TTBK2: variants seen among roughly 807,000 people sequenced by gnomAD.
The protein encoded by TTBK2 is tau tubulin kinase 2.
Under a neutral mutation model 110.8 loss-of-function variants are expected in TTBK2, and 28 were observed. That is an observed-to-expected ratio of 0.25 (90% CI 0.19 to 0.35). The LOEUF is 0.35. Among genes scored for constraint, TTBK2 ranks in the 10% least tolerant of loss-of-function variants. The pLI, the probability that TTBK2 is intolerant of heterozygous loss-of-function variation, is 1.00. For synonymous variants in TTBK2, 532 were observed against 527.3 expected (o/e 1.01, Z -0.12); for missense variants, 1,369 against 1,500.3 (o/e 0.91, Z 1.45).
Position 42,752,077 on chromosome 15 carries a change from C to T in TTBK2, c.3169G>A (p.Val1057Ile), listed in dbSNP as rs749779791. ...QSRKSKIPRPVSWVNTDQVNS... is the reference protein window; with the variant it reads ...QSRKSKIPRPISWVNTDQVNS... ...ACCTGATCTGTGTTGACCCATGAAA[C>T]TGGCCTTGGAATTTTGCTCTTTCTA... is the stretch of plus-strand genomic sequence containing the variant. Residue 1057 changes from valine to isoleucine, a missense_variant, in exon 14 of 15, where the codon GTT becomes ATT. Val to Ile is a conservative substitution (Grantham distance 29). Transcript: ENST00000267890. 5 of 1,614,192 alleles carry T rather than the reference C, an allele frequency of 3.1e-6. No individual in the cohort carries two copies. The highest frequency in any genetic ancestry group is 4.2e-6 in the Non-Finnish European group (5 of 1,180,036).
At chr15:42,847,339 G>C (rs1340354509) in intron 3 of TTBK2, among the ~76,000 whole-genome samples, 1 of 152,124 alleles carries the variant, frequency 6.6e-6, no homozygotes, top group African/African-American at 2.4e-5. Context: ...GTCCTTTGCA[G>C]GTGATTTGCA....
intron 3 of TTBK2, among the ~76,000 whole-genome samples, chr15:42,857,692 C>T (rs2141070085): frequency 6.6e-6 from 1 of 152,234 alleles, no homozygotes; most frequent in Admixed American, 6.5e-5. Flanking sequence ...TAATGCTTAA[C>T]ACAGCTACTT....
At chr15:42,760,086 G>C (rs1199171812) in intron 13 of TTBK2, among the ~76,000 whole-genome samples, 1 of 152,122 alleles carries the variant, frequency 6.6e-6, no homozygotes, top group Non-Finnish European at 1.5e-5. Context: ...AGGAATCTTA[G>C]CACTAAAGAA....
intron 1 of TTBK2, among the ~76,000 whole-genome samples, chr15:42,884,853 AAGTGAAAAT>A (rs1438666443): frequency 6.6e-6 from 1 of 152,228 alleles, no homozygotes; most frequent in Non-Finnish European, 1.5e-5. Flanking sequence ...TCCACAAAAG[AAGTGAAAAT>A]AGCCTTAGCT....
At chr15:42,765,931 C>A (rs1447910295) in intron 13 of TTBK2, among the ~76,000 whole-genome samples, 1 of 152,156 alleles carries the variant, frequency 6.6e-6, no homozygotes, top group Admixed American at 6.6e-5. Context: ...TTGGCAGAAA[C>A]CCTACAAGCC....
chr15:42,812,487 A>G (rs552794236), intron 7 of TTBK2, among the ~76,000 whole-genome samples: 3 of 152,328 alleles, frequency 2.0e-5, no homozygotes, highest in African/African-American at 7.2e-5. Context: ...CTTCTGGGTG[A>G]TCATGCCCTG....
At chr15:42,763,734 C>T (rs1461572277) in intron 13 of TTBK2, among the ~76,000 whole-genome samples, 1 of 151,854 alleles carries the variant, frequency 6.6e-6, no homozygotes, top group East Asian at 1.9e-4. Context: ...TCCACTTTGG[C>T]CAATGTGGAT....
chr15:42,814,955 C>T (rs1238773308), intron 7 of TTBK2, among the ~76,000 whole-genome samples: 1 of 152,092 alleles, frequency 6.6e-6, no homozygotes, highest in African/African-American at 2.4e-5. Context: ...AAGAAATTGC[C>T]ACTGTCTAAA....
At chr15:42,826,243 A>G (rs1391197358) in intron 6 of TTBK2, among the ~76,000 whole-genome samples, 1 of 151,988 alleles carries the variant, frequency 6.6e-6, no homozygotes, top group Non-Finnish European at 1.5e-5. Flanking sequence ...ATTAACTTTT[A>G]TTTTTATATT....
chr15:42,910,034 G>A (rs2092863474), intron 1 of TTBK2, among the ~76,000 whole-genome samples: 1 of 152,150 alleles, frequency 6.6e-6, no homozygotes, highest in Admixed American at 6.5e-5. Flanking sequence ...GTGAGATCAG[G>A]AATGGGATTC....
intron 4 of TTBK2, among the ~76,000 whole-genome samples, chr15:42,834,105 T>A (rs1027635845): frequency 4.2e-5 from 6 of 143,968 alleles, no homozygotes; most frequent in Non-Finnish European, 8.9e-5. Flanking sequence ...GGTAAGAGGA[T>A]CACTTGACCC....
At position 42,784,018 on chromosome 15, in the gene TTBK2, C is replaced by T. The variant is rs144283467; in HGVS notation, c.981-383G>A. ...CGGAGGTTACAGTGAGCCAAGATTG[C>T]GCCACTGCACTCCAGCCTGGGTGAC... On this transcript the variant is annotated intron_variant, in intron 10 of 14. Transcript: ENST00000267890. Among the ~76,000 whole-genome samples the T allele has an allele frequency of 4.6e-5, 7 of 151,460 alleles. No individual in the cohort carries two copies. In the East Asian group the frequency reaches 5.9e-4, roughly 13 times the overall value.
At chr15:42,753,904 A>G (rs2061904480) in intron 13 of TTBK2, among the ~76,000 whole-genome samples, 1 of 152,200 alleles carries the variant, frequency 6.6e-6, no homozygotes, top group Admixed American at 6.5e-5. Flanking sequence ...ATTTTCTGCC[A>G]GAATCCAGAT....
In TTBK2 at chr15:42,750,866, A is replaced by T. The variant is rs186487191; in HGVS notation, c.3272+1108T>A. 5.0e-4 allele frequency among the ~76,000 whole-genome samples: 76 copies of T among 152,290 alleles called. 1 individual carries two copies. The highest frequency in any genetic ancestry group is 1.8e-3 in the African/African-American group (73 of 41,562). On this transcript the variant is annotated intron_variant, in intron 14 of 14. Transcript: ENST00000267890. Reference sequence around the variant, plus strand: ...CAGAGAATCTTGAGATTCTCAAAAAAATTATCAGAACACTTCTCATCAGAA... The same window carrying T: ...CAGAGAATCTTGAGATTCTCAAAAATATTATCAGAACACTTCTCATCAGAA...
In TTBK2 at chr15:42,909,104, G is replaced by A. The variant is rs918678228; in HGVS notation, c.-68+11334C>T. 6.6e-5 allele frequency among the ~76,000 whole-genome samples: 10 copies of A among 152,152 alleles called. 1 individual carries two copies. Among genetic ancestry groups the A allele is most frequent in the Admixed American group, 4.6e-4 (7 of 15,280 alleles). ...AGCTTCTAGAACCCACCTGAATTCT[G>A]TTTTGTTGTTGTTGTTGCTTTGCTT... On this transcript the variant is annotated intron_variant, in intron 1 of 14. Coordinates refer to ENST00000267890, the MANE Select transcript of TTBK2 (RefSeq NM_173500.4).
At chr15:42,872,498 G>A (rs1252411142) in intron 3 of TTBK2, 113 bp downstream of exon 3, 17 of 1,263,180 alleles carry the variant, frequency 1.3e-5, no homozygotes, top group Non-Finnish European at 1.9e-5. Context: ...ATACCCGGCT[G>A]ACACCAGTAC....
At chr15:42,829,192 C>T (rs1264817832) in intron 5 of TTBK2, among the ~76,000 whole-genome samples, 1 of 152,088 alleles carries the variant, frequency 6.6e-6, no homozygotes, top group Non-Finnish European at 1.5e-5. Context: ...TATCAGAAAT[C>T]GGTCATTTCA....
At chr15:42,879,422 G>A (rs990322314) in intron 1 of TTBK2, among the ~76,000 whole-genome samples, 1 of 152,102 alleles carries the variant, frequency 6.6e-6, no homozygotes, top group Non-Finnish European at 1.5e-5. Flanking sequence ...TAAAAAGAAA[G>A]AAAGAAGAAA....
Position 42,891,775 on chromosome 15 carries a change from C to A in TTBK2, c.-67-13091G>T, listed in dbSNP as rs555121731. ...GAGTCATTCTAAGCAAATTATTAAA[C>A]CCAAGGGGATTGTGGGAAGGCCCAA... is the stretch of plus-strand genomic sequence containing the variant. On this transcript the variant is annotated intron_variant, in intron 1 of 14. Transcript: ENST00000267890. Among the ~76,000 whole-genome samples the A allele has an allele frequency of 3.3e-5, 5 of 152,228 alleles. No individual in the cohort carries two copies. The South Asian group carries it at 1.0e-3, about 32-fold the overall frequency.
Sources: allele counts gnomAD v4.1 joint callset (sites outside exome capture counted in the v4.1 genomes callset), GRCh38; gene constraint gnomAD v4.1.1; transcripts MANE v1.5; gene names NCBI Gene and HGNC (gene_info 2026-07-23, HGNC 2026-07-21).